Variants in SEMA3E observed in about 807,000 individuals in gnomAD.
SEMA3E encodes the protein semaphorin 3E.
In SEMA3E, 49 loss-of-function variants were observed where a neutral mutation model predicts 93.6. That is an observed-to-expected ratio of 0.52 (90% CI 0.42 to 0.66). The LOEUF is 0.66. SEMA3E is among the 30% of genes least tolerant of loss of function. The probability of loss-of-function intolerance (pLI) is 0.00; values close to 1 mark genes in which losing one functional copy is unlikely to be tolerated. For synonymous variants in SEMA3E, 363 were observed against 330.7 expected (o/e 1.10, Z -1.06); for missense variants, 906 against 964.8 (o/e 0.94, Z 0.81).
intron 4 of SEMA3E, among the ~76,000 whole-genome samples, chr7:83,465,073 A>G (rs2115874674): frequency 6.6e-6 from 1 of 152,094 alleles, no homozygotes; most frequent in East Asian, 1.9e-4. Flanking sequence ...TTCCGCCACA[A>G]AAGAAGTGTA....
intron 1 of SEMA3E, among the ~76,000 whole-genome samples, chr7:83,521,089 T>G (rs1014800776): frequency 2.6e-5 from 4 of 152,092 alleles, no homozygotes; most frequent in African/African-American, 9.7e-5. Context: ...TTTAAGATTT[T>G]TTTTTTTTTT....
chr7:83,448,756 T>C (rs948311538), intron 4 of SEMA3E, among the ~76,000 whole-genome samples: 2 of 152,150 alleles, frequency 1.3e-5, no homozygotes, highest in Non-Finnish European at 2.9e-5. Flanking sequence ...CATTACTCAG[T>C]AGCCACATAA....
At chr7:83,382,288 T>C (rs916325943) in intron 16 of SEMA3E, among the ~76,000 whole-genome samples, 2 of 151,962 alleles carry the variant, frequency 1.3e-5, no homozygotes, top group Non-Finnish European at 2.9e-5. Context: ...TTCTTTATAA[T>C]AAAATGGTAT....
At chr7:83,480,301 G>A (rs1220198467) in intron 2 of SEMA3E, among the ~76,000 whole-genome samples, 2 of 152,002 alleles carry the variant, frequency 1.3e-5, no homozygotes, top group Non-Finnish European at 2.9e-5. Context: ...AAATTAGCTG[G>A]GTGTGGTGGC....
intron 4 of SEMA3E, among the ~76,000 whole-genome samples, chr7:83,452,794 T>TA (rs1421589722): frequency 2.6e-5 from 4 of 152,110 alleles, no homozygotes; most frequent in Non-Finnish European, 5.9e-5. Flanking sequence ...TTGGATGTTT[T>TA]AAAATCACAA....
chr7:83,411,594 G>A (rs1366136796), intron 5 of SEMA3E, among the ~76,000 whole-genome samples: 5 of 151,760 alleles, frequency 3.3e-5, no homozygotes, highest in Non-Finnish European at 7.4e-5. Context: ...AAAACCTTAG[G>A]TAAAATAATA....
At chr7:83,622,748 C>T (rs551542741) in intron 1 of SEMA3E, among the ~76,000 whole-genome samples, 10 of 152,222 alleles carry the variant, frequency 6.6e-5, no homozygotes, top group East Asian at 1.9e-4. Context: ...CCAAGCACAG[C>T]GTGTTCTCAC....
At chr7:83,465,845 T>A (rs1789744398) in intron 4 of SEMA3E, among the ~76,000 whole-genome samples, 1 of 152,108 alleles carries the variant, frequency 6.6e-6, no homozygotes, top group African/African-American at 2.4e-5. Flanking sequence ...CAGGAATAGG[T>A]TATATGACTG....
At chr7:83,403,865 A>G (rs1348574100) in intron 9 of SEMA3E, among the ~76,000 whole-genome samples, 1 of 151,924 alleles carries the variant, frequency 6.6e-6, no homozygotes, top group Non-Finnish European at 1.5e-5. Flanking sequence ...ACAAATATCA[A>G]TCCTTATGTC....
rs371322188 is a variant in SEMA3E at position 83,387,066 on chromosome 7, T to C, written c.1668-16A>G. The C allele has an allele frequency of 1.4e-4, 220 of 1,610,112 alleles. No individual in the cohort carries two copies. The highest frequency in any genetic ancestry group is 1.8e-4 in the Non-Finnish European group (212 of 1,177,726). On this transcript the variant is annotated splice_polypyrimidine_tract_variant and intron_variant, in intron 14 of 16. Coordinates refer to ENST00000643230, the MANE Select transcript of SEMA3E (RefSeq NM_012431.3). ...CCGGAAACGCCTGAAAGAAAGTAAA[T>C]GCATTTAGATGTTCATTTTTTCAAT...
chr7:83,468,029 C>T (rs780726143), intron 3 of SEMA3E, among the ~76,000 whole-genome samples: 1 of 152,150 alleles, frequency 6.6e-6, no homozygotes. Context: ...TCTTTTAGTG[C>T]CCAGTATTAC....
chr7:83,476,086 G>A (rs928872902), intron 2 of SEMA3E, among the ~76,000 whole-genome samples: 1 of 152,158 alleles, frequency 6.6e-6, no homozygotes, highest in Non-Finnish European at 1.5e-5. Flanking sequence ...GGGCAAGGCA[G>A]TGACTTATTT....
intron 1 of SEMA3E, among the ~76,000 whole-genome samples, chr7:83,643,573 G>A (rs1794041638): frequency 6.6e-6 from 1 of 151,788 alleles, no homozygotes; most frequent in African/African-American, 2.4e-5. Flanking sequence ...AACATTTGGG[G>A]ACTTTCATAT....
chr7:83,410,536 T>C (rs1300445283), intron 5 of SEMA3E, among the ~76,000 whole-genome samples: 2 of 152,108 alleles, frequency 1.3e-5, no homozygotes, highest in Non-Finnish European at 2.9e-5. Flanking sequence ...AGGGAAAAGA[T>C]TAACATAATT....
At chr7:83,596,407 A>T (rs907717160) in intron 1 of SEMA3E, among the ~76,000 whole-genome samples, 1 of 151,932 alleles carries the variant, frequency 6.6e-6, no homozygotes, top group African/African-American at 2.4e-5. Context: ...CTCATTACTA[A>T]CGTCACTGCT....
chr7:83,461,910 G>A (rs1441883080), intron 4 of SEMA3E: 4 of 152,210 alleles, frequency 2.6e-5, no homozygotes, highest in Admixed American at 1.3e-4. Context: ...CGTTCCTCCA[G>A]AACCTCCTCC....
intron 12 of SEMA3E, among the ~76,000 whole-genome samples, chr7:83,395,815 G>C (rs1282699379): frequency 1.3e-5 from 2 of 152,098 alleles, no homozygotes; most frequent in African/African-American, 4.8e-5. Context: ...CGTGCTGTCA[G>C]CTGTGAGTTC....
At chr7:83,383,044 A>C (rs986271235) in intron 16 of SEMA3E, among the ~76,000 whole-genome samples, 12 of 152,042 alleles carry the variant, frequency 7.9e-5, no homozygotes, top group African/African-American at 2.9e-4. Context: ...ATTTCAGTTA[A>C]ATAAAAGGAA....
chr7:83,434,548 T>C (rs936298484), intron 4 of SEMA3E, among the ~76,000 whole-genome samples: 1 of 152,134 alleles, frequency 6.6e-6, no homozygotes, highest in Non-Finnish European at 1.5e-5. Context: ...AACATGCTTC[T>C]TGCTCTAAAA....
Sources: allele counts gnomAD v4.1 joint callset (sites outside exome capture counted in the v4.1 genomes callset), GRCh38; gene constraint gnomAD v4.1.1; transcripts MANE v1.5; gene names NCBI Gene and HGNC (gene_info 2026-07-23, HGNC 2026-07-21).